Variants in GALNT16 observed in about 807,000 individuals in gnomAD.
GALNT16 encodes the protein UDP-GalNAc:polypeptide N-acetylgalactosaminyltransferase-like protein 1.
GALNT16 carries 40 observed loss-of-function variants against 76.1 expected under a neutral mutation model. The ratio of observed to expected loss-of-function variants is 0.53; its 90% CI spans 0.41 to 0.68. The LOEUF (loss-of-function observed/expected upper bound fraction) is 0.68. GALNT16 is among the 30% of genes least tolerant of loss of function. The pLI is 0.00. For missense variants in GALNT16, 621 were observed against 731.9 expected (o/e 0.85, Z 1.75); for synonymous variants, 276 against 285.2 (o/e 0.97, Z 0.32).
chr14:69,327,065 A>G (rs764715830), intron 5 of GALNT16, among the ~76,000 whole-genome samples: 8 of 152,206 alleles, frequency 5.3e-5, no homozygotes, highest in Non-Finnish European at 7.3e-5. Context: ...TTTTAGAGTA[A>G]GAGAGGGATG....
chr14:69,273,662 A>T (rs2044434388), intron 1 of GALNT16, among the ~76,000 whole-genome samples: 2 of 152,230 alleles, frequency 1.3e-5, no homozygotes, highest in Non-Finnish European at 1.5e-5. Context: ...TGCAGAAGAG[A>T]CATTCTCATC....
At chr14:69,342,168 C>T (rs2045496005) in intron 12 of GALNT16, among the ~76,000 whole-genome samples, 1 of 151,982 alleles carries the variant, frequency 6.6e-6, no homozygotes, top group Non-Finnish European at 1.5e-5. Flanking sequence ...TGAGAAACCG[C>T]CAGGCACAGT....
downstream of GALNT16, chr14:69,358,262 C>T (rs944386596): frequency 6.6e-6 from 1 of 152,340 alleles, no homozygotes; most frequent in African/African-American, 2.4e-5. Flanking sequence ...TGTCTGGGCC[C>T]CTCCCCACAG....
rs149162075 is a variant in GALNT16, at chr14:69,284,429, C to T, written c.177+23962C>T. On this transcript the variant is annotated intron_variant, in intron 1 of 14. Transcript: ENST00000448469. ...ACTCACCCCGTGTGGCGTGTGCAGA[C>T]GAAGGTGACATTGGGGAGCCAGGGC... is the stretch of plus-strand genomic sequence containing the variant. Among the ~76,000 whole-genome samples the T allele has an allele frequency of 4.7e-3, 720 of 152,210 alleles. 7 individuals carry two copies. Among genetic ancestry groups the T allele is most frequent in the African/African-American group, 0.015 (629 of 41,530 alleles).
the GALNT16 span, among the ~76,000 whole-genome samples, chr14:69,372,218 G>C: frequency 9.2e-5 from 14 of 152,102 alleles, no homozygotes; most frequent in Non-Finnish European, 1.6e-4. Flanking sequence ...GCCTATCAAA[G>C]CTGGTGATGG....
At chr14:69,330,170 A>AAAT (rs774227001) in intron 6 of GALNT16, among the ~76,000 whole-genome samples, 6 of 152,218 alleles carry the variant, frequency 3.9e-5, no homozygotes, top group East Asian at 1.9e-4. Context: ...AAGGTAGAAA[A>AAAT]AATCCAAATG....
downstream of GALNT16, chr14:69,358,348 C>G (rs1048859279): frequency 6.6e-6 from 1 of 152,382 alleles, no homozygotes; most frequent in African/African-American, 2.4e-5. Context: ...TTCCCACAAC[C>G]CTGTCAGGCA....
chr14:69,280,762 G>A (rs1411627784), intron 1 of GALNT16, among the ~76,000 whole-genome samples: 1 of 152,102 alleles, frequency 6.6e-6, no homozygotes, highest in Admixed American at 6.5e-5. Flanking sequence ...AGAGTTGGTG[G>A]CAGATTGGGG....
chr14:69,377,013 C>T, the GALNT16 span, among the ~76,000 whole-genome samples: 11 of 152,262 alleles, frequency 7.2e-5, no homozygotes, highest in Admixed American at 5.2e-4. Context: ...TCCGTGTGTT[C>T]GGAGGATAAT....
chr14:69,305,244 A>G (rs530884323), intron 1 of GALNT16, among the ~76,000 whole-genome samples: 1 of 145,748 alleles, frequency 6.9e-6, no homozygotes, highest in African/African-American at 2.5e-5. Context: ...GCTCACTGAA[A>G]TCTCTGCCTC....
rs374235581 is a variant in GALNT16, at chr14:69,322,328, T to G, written c.335+1460T>G. ...GAGGTTACATCCACATAGCTCCACT[T>G]AGAGACCTTTCATGGGCAGCCCTAG... On this transcript the variant is annotated intron_variant, in intron 2 of 14. Coordinates refer to ENST00000448469, the MANE Select transcript of GALNT16 (RefSeq NM_001168368.2). 1.8e-4 allele frequency among the ~76,000 whole-genome samples: 27 copies of G among 152,328 alleles called. No individual in the cohort carries two copies. In the East Asian group the frequency reaches 4.4e-3, roughly 25 times the overall value.
At chr14:69,367,343 G>A in the GALNT16 span, among the ~76,000 whole-genome samples, 2 of 152,028 alleles carry the variant, frequency 1.3e-5, no homozygotes, top group African/African-American at 4.8e-5. Context: ...AGGTGATTAA[G>A]TCGTGAGGGT....
At chr14:69,377,804 C>CAAA in the GALNT16 span, among the ~76,000 whole-genome samples, 538 of 37,500 alleles carry the variant, frequency 0.014, 53 homozygotes, top group Middle Eastern at 0.075. Context: ...GAGACTGTCT[C>CAAA]AAAAAAAAAA....
chr14:69,351,791 T>C, intron 14 of GALNT16: 1 of 418,418 alleles, frequency 2.4e-6, no homozygotes. Flanking sequence ...CATGCAGGTG[T>C]AGTCCTAGCT....
At chr14:69,320,677 C>T in intron 1 of GALNT16, 34 bp from the exon 2 acceptor site, 5 of 1,599,432 alleles carry the variant, frequency 3.1e-6, no homozygotes, top group Non-Finnish European at 4.3e-6. Context: ...GTCCTCCTGC[C>T]TGTGGTCCTC....
rs1316322977 is a variant in GALNT16, at chr14:69,261,095, A to G, written c.177+628A>G. ...GTACGCGTCTCTCACTCCCAACCTT[A>G]GGGTCCGCCACCACGGGTAGGTGGG... On this transcript the variant is annotated intron_variant, in intron 1 of 14. Transcript: ENST00000448469. The surrounding 1 kb of genome is among the most constrained non-coding windows in gnomAD (Gnocchi z 6.4). Among the ~76,000 whole-genome samples the G allele has an allele frequency of 5.9e-5, 9 of 152,290 alleles. No homozygotes were observed. In the East Asian group the frequency reaches 1.7e-3, roughly 29 times the overall value.
chr14:69,321,605 T>G (rs182938466), intron 2 of GALNT16, among the ~76,000 whole-genome samples: 16 of 152,188 alleles, frequency 1.1e-4, no homozygotes, highest in African/African-American at 3.9e-4. Context: ...CCCCAGCACT[T>G]GATGGTCCTG....
chr14:69,263,591 C>T lies in GALNT16; in HGVS notation c.177+3124C>T, dbSNP rs142901471. Among the ~76,000 whole-genome samples, 46 of 152,312 alleles carry T rather than the reference C, an allele frequency of 3.0e-4. No homozygotes were observed. In the East Asian group the frequency reaches 6.4e-3, roughly 21 times the overall value. On this transcript the variant is annotated intron_variant, in intron 1 of 14. Transcript: ENST00000448469. ...CTGGGAAAGGGAGGGTCTGCAGAAG[C>T]GCCTGGACCTGGAGGCAGCTCTGCT...
the GALNT16 span, among the ~76,000 whole-genome samples, chr14:69,375,428 T>G: frequency 2.6e-5 from 4 of 151,612 alleles, no homozygotes; most frequent in Non-Finnish European, 3.0e-5. Flanking sequence ...ATTTACCATA[T>G]TGCTGTTTGT....
Sources: gnomAD v4.1 joint callset for allele counts (sites outside exome capture counted in the v4.1 genomes callset) on GRCh38, gnomAD v4.1.1 for gene constraint, Gnocchi (gnomAD v3.1) non-coding constraint, MANE v1.5 for transcripts, NCBI Gene and HGNC (gene_info 2026-07-23, HGNC 2026-07-21) for gene names.